Variants in RNPC3 observed in about 807,000 individuals in gnomAD.
RNPC3 encodes RNA binding region (RNP1, RRM) containing 3, also known as RNA-binding region-containing protein 3.
A neutral mutation model predicts 67.5 loss-of-function variants in RNPC3; 48 were observed. The observed-to-expected ratio is 0.71, with a 90% CI of 0.56 to 0.90. The LOEUF (loss-of-function observed/expected upper bound fraction) is 0.90, where lower values mean the gene tolerates loss of function less well. Among genes scored for constraint, RNPC3 ranks in the 40% least tolerant of loss-of-function variants. The probability of loss-of-function intolerance (pLI) is 0.00; values close to 1 mark genes in which losing one functional copy is unlikely to be tolerated. For synonymous variants in RNPC3, 239 were observed against 210.3 expected (o/e 1.14, Z -1.18); for missense variants, 637 against 626.1 (o/e 1.02, Z -0.19).
chr1:103,536,930 T>G (rs996463158), intron 6 of RNPC3, among the ~76,000 whole-genome samples: 1 of 152,160 alleles, frequency 6.6e-6, no homozygotes, highest in Admixed American at 6.5e-5. Context: ...TTTCCAAAAG[T>G]AGAGCAGAGG....
intron 2 of RNPC3, 89 bp from the exon 3 acceptor site, chr1:103,533,650 C>CAAA: frequency 3.2e-6 from 2 of 619,782 alleles, no homozygotes; most frequent in Non-Finnish European, 2.8e-6. Context: ...ACAGCATTAG[C>CAAA]AAAAAAAAAA....
At chr1:103,545,445 C>G (rs1651219737) in intron 10 of RNPC3, 1 of 177,196 alleles carries the variant, frequency 5.6e-6, no homozygotes, top group Non-Finnish European at 1.2e-5. Flanking sequence ...AATACTGTGT[C>G]TGAGATACAT....
chr1:103,542,647 T>C (rs1004044119), intron 8 of RNPC3, among the ~76,000 whole-genome samples: 17 of 151,910 alleles, frequency 1.1e-4, no homozygotes, highest in Non-Finnish European at 2.2e-4. Flanking sequence ...AAGTTGCCAG[T>C]AAAATGATAC....
chr1:103,539,756 T>G (rs1651077028), intron 7 of RNPC3, among the ~76,000 whole-genome samples: 3 of 152,200 alleles, frequency 2.0e-5, no homozygotes. Context: ...AGGTTGAGTA[T>G]CTCTAAACTA....
At chr1:103,552,026 C>T (rs1310922822) in intron 14 of RNPC3, 2 of 308,904 alleles carry the variant, frequency 6.5e-6, no homozygotes, top group Non-Finnish European at 1.2e-5. Context: ...GTGCCTGTTA[C>T]TCTTTTTTTA....
rs574469715 is a variant in RNPC3 at position 103,551,839 on chromosome 1, A to T, written c.*12+47A>T. ...TAAAAAGACAAGACTAATTCTTGAG[A>T]TAAAATTAAGAATAAAAGTTTGACA... On this transcript the variant is annotated intron_variant, in intron 14 of 14. Transcript: ENST00000423855. 5.9e-6 allele frequency: 6 copies of T among 1,014,788 alleles called. No homozygotes were observed. The Middle Eastern group carries it at 8.6e-4, about 146-fold the overall frequency. 62.9% of individuals were successfully genotyped at this position (1,014,788 alleles called of 1,614,324 possible). A position where few individuals can be genotyped will look rare whatever the true frequency, so the allele number is the denominator to read the frequency against.
chr1:103,530,558 TGAA>T lies in RNPC3; in HGVS notation c.240+2818_240+2820del, dbSNP rs375029520. On this transcript the variant is annotated intron_variant, in intron 2 of 14. Coordinates refer to ENST00000423855, the MANE Select transcript of RNPC3 (RefSeq NM_017619.4). ...CAGGAGTGGGAGTGATCATTGGATTTGAAGTCAGAGAAGTCATAGAATCTATAT... is the reference window on the plus strand; with the variant it reads ...CAGGAGTGGGAGTGATCATTGGATTTGTCAGAGAAGTCATAGAATCTATAT... 5.4e-4 allele frequency among the ~76,000 whole-genome samples: 82 copies of T among 152,262 alleles called. No homozygotes were observed. The South Asian group carries it at 0.014, about 27-fold the overall frequency.
chr1:103,527,630 G>C, intron 1 of RNPC3, 65 bp from the exon 2 acceptor site: 1 of 1,269,032 alleles, frequency 7.9e-7, no homozygotes, highest in Non-Finnish European at 1.1e-6. Flanking sequence ...CTGGTAAAAA[G>C]TCAGATTTCT....
At chr1:103,532,465 A>G (rs757982549) in intron 2 of RNPC3, among the ~76,000 whole-genome samples, 1 of 152,122 alleles carries the variant, frequency 6.6e-6, no homozygotes, top group East Asian at 1.9e-4. Flanking sequence ...CATTATTTGA[A>G]TATGTGTTCC....
intron 2 of RNPC3, among the ~76,000 whole-genome samples, chr1:103,528,484 A>G (rs1023389937): frequency 6.6e-6 from 1 of 152,182 alleles, no homozygotes; most frequent in Non-Finnish European, 1.5e-5. Flanking sequence ...TATATATTCA[A>G]TAGAGATTGA....
intron 12 of RNPC3, among the ~76,000 whole-genome samples, chr1:103,548,133 G>C (rs1026328930): frequency 1.9e-4 from 29 of 152,140 alleles, no homozygotes; most frequent in African/African-American, 6.5e-4. Context: ...CTAGTCCTCA[G>C]GTGATGGGAG....
At chr1:103,536,012 A>G in intron 5 of RNPC3, 114 bp from the exon 6 acceptor site, 1 of 693,034 alleles carries the variant, frequency 1.4e-6, no homozygotes, top group Admixed American at 2.6e-5. Context: ...AGAGATGGGC[A>G]GGTCTTCCTT....
chr1:103,533,935 G>T (rs886139285), intron 3 of RNPC3, 78 bp downstream of exon 3: 50 of 789,000 alleles, frequency 6.3e-5, no homozygotes, highest in Admixed American at 1.7e-4. Flanking sequence ...TACAGTTATT[G>T]TATTGTTTTC....
intron 1 of RNPC3, 148 bp downstream of exon 1, chr1:103,526,410 AT>A: frequency 1.6e-6 from 1 of 644,082 alleles, no homozygotes. Flanking sequence ...TTTTATCAAA[AT>A]ATCTGCTCTG....
intron 3 of RNPC3, 140 bp downstream of exon 3, chr1:103,533,997 T>A (rs1650926504): frequency 1.6e-6 from 1 of 608,642 alleles, no homozygotes; most frequent in Non-Finnish European, 2.9e-6. Flanking sequence ...TTAAACCTAG[T>A]ACAGTAAAAC....
intron 7 of RNPC3, among the ~76,000 whole-genome samples, chr1:103,537,873 C>T (rs770573547): frequency 5.9e-5 from 9 of 151,794 alleles, no homozygotes; most frequent in Admixed American, 1.3e-4. Context: ...TACGGAGTTT[C>T]GCTCTTATTG....
intron 14 of RNPC3, chr1:103,552,835 G>A (rs550086936): frequency 7.9e-5 from 12 of 152,158 alleles, no homozygotes; most frequent in Admixed American, 5.2e-4. Context: ...ATGTGTTTGT[G>A]GAGTTAAATA....
At position 103,546,957 on chromosome 1, in the gene RNPC3, T is replaced by G; in HGVS notation, c.1303-20T>G. 1 of 1,298,298 alleles carries G rather than the reference T, an allele frequency of 7.7e-7. No homozygotes were observed. The highest frequency in any genetic ancestry group is 1.1e-6 in the Non-Finnish European group (1 of 949,698). The allele number at this position is 1,298,298 out of a possible 1,614,324, so 80.4% of individuals were successfully genotyped here. A position where few individuals can be genotyped will look rare whatever the true frequency, so the allele number is the denominator to read the frequency against. On this transcript the variant is annotated intron_variant, in intron 11 of 14. Transcript: ENST00000423855. ...TTTCCCCTGGCTTTGTTATTTGTCT[T>G]TTTCTTATTGAAATTCTAGGACCTT... is the stretch of plus-strand genomic sequence containing the variant.
chr1:103,535,904 C>T (rs1460179826), intron 5 of RNPC3, among the ~76,000 whole-genome samples: 4 of 151,914 alleles, frequency 2.6e-5, no homozygotes, highest in South Asian at 2.1e-4. Flanking sequence ...ACATTCTTAG[C>T]GATGGGACTA....
Sources: allele counts gnomAD v4.1 joint callset (sites outside exome capture counted in the v4.1 genomes callset), GRCh38; gene constraint gnomAD v4.1.1; transcripts MANE v1.5; gene names NCBI Gene and HGNC (gene_info 2026-07-23, HGNC 2026-07-21).